The following RALYL variants were observed in gnomAD, a reference collection of about 807,000 sequenced individuals.
RALYL encodes RALY RNA binding protein like.
A neutral mutation model predicts 35.1 loss-of-function variants in RALYL; 29 were observed. The ratio of observed to expected loss-of-function variants is 0.83; its 90% CI spans 0.61 to 1.13. The LOEUF (loss-of-function observed/expected upper bound fraction) is 1.13, where lower values mean the gene tolerates loss of function less well. Ranked by LOEUF, RALYL falls within the 50% of genes most tolerant of loss-of-function variation. RALYL has a pLI of 0.00. For synonymous variants in RALYL, 120 were observed against 127.6 expected (o/e 0.94, Z 0.40); for missense variants, 359 against 360.4 (o/e 1.00, Z 0.03).
Position 84,609,418 on chromosome 8 carries a change from G to C in RALYL, c.256+79841G>C, listed in dbSNP as rs193020822. On this transcript the variant is annotated intron_variant, in intron 2 of 8. Coordinates refer to ENST00000521268, the MANE Select transcript of RALYL (RefSeq NM_173848.7). Reference sequence around the variant, plus strand: ...GTACCATTGGTGCTACCTCATATTAGGAACTCAGTGCATGAGAATTCCTTC... The same window carrying C: ...GTACCATTGGTGCTACCTCATATTACGAACTCAGTGCATGAGAATTCCTTC... Among the ~76,000 whole-genome samples, 267 of 152,130 alleles carry C rather than the reference G, an allele frequency of 1.8e-3. 1 individual carries two copies. Among genetic ancestry groups the C allele is most frequent in the African/African-American group, 6.1e-3 (252 of 41,530 alleles).
intron 7 of RALYL, 72 bp downstream of exon 7, chr8:84,873,469 G>A (rs1840595534): frequency 2.3e-6 from 2 of 867,894 alleles, no homozygotes. Flanking sequence ...AAGCAGTACA[G>A]GGCCAGGAAG....
intron 1 of RALYL, among the ~76,000 whole-genome samples, chr8:84,514,612 T>C (rs2057912448): frequency 6.6e-6 from 1 of 152,202 alleles, no homozygotes; most frequent in Non-Finnish European, 1.5e-5. Context: ...ATTCCATTCA[T>C]GAGAGCTCTG....
chr8:84,525,358 C>T (rs1180434675), intron 1 of RALYL, among the ~76,000 whole-genome samples: 4 of 152,100 alleles, frequency 2.6e-5, no homozygotes, highest in African/African-American at 9.7e-5. Context: ...CTGTTATACA[C>T]CATTTTTGTG....
At chr8:84,714,527 AAAAT>A (rs1314055169) in intron 2 of RALYL, among the ~76,000 whole-genome samples, 1 of 151,680 alleles carries the variant, frequency 6.6e-6, no homozygotes, top group Non-Finnish European at 1.5e-5. Context: ...TCAATAAACT[AAAAT>A]AAAATACTGT....
chr8:84,568,806 G>A (rs1454535733), intron 2 of RALYL, among the ~76,000 whole-genome samples: 12 of 147,744 alleles, frequency 8.1e-5, no homozygotes, highest in Non-Finnish European at 1.5e-4. Context: ...GGCCAGTGAT[G>A]ATGAGCATTT....
intron 1 of RALYL, among the ~76,000 whole-genome samples, chr8:84,435,953 G>A (rs1394003541): frequency 4.6e-5 from 7 of 152,134 alleles, no homozygotes; most frequent in African/African-American, 1.4e-4. Flanking sequence ...GATTAAAAGT[G>A]TCTGGAGGTG....
At chr8:84,724,029 AAATAAATGAATG>A (rs1844488356) in intron 2 of RALYL, among the ~76,000 whole-genome samples, 1 of 151,832 alleles carries the variant, frequency 6.6e-6, no homozygotes, top group African/African-American at 2.4e-5. Context: ...TTTGATGAAC[AAATAAATGAATG>A]AATAAATGAA....
At chr8:84,920,170 GA>G (rs1257202752) in intron 8 of RALYL, among the ~76,000 whole-genome samples, 2 of 151,976 alleles carry the variant, frequency 1.3e-5, no homozygotes, top group East Asian at 3.8e-4. Flanking sequence ...TAACCCCTAA[GA>G]CCTTTGAAGT....
intron 1 of RALYL, among the ~76,000 whole-genome samples, chr8:84,433,736 C>T (rs2047389891): frequency 6.6e-6 from 1 of 151,916 alleles, no homozygotes; most frequent in Non-Finnish European, 1.5e-5. Context: ...CCAATTAAAC[C>T]TCTTTTTCTT....
At chr8:84,513,859 G>A (rs934096802) in intron 1 of RALYL, among the ~76,000 whole-genome samples, 3 of 151,964 alleles carry the variant, frequency 2.0e-5, no homozygotes, top group African/African-American at 7.2e-5. Flanking sequence ...ACTTTGGGAG[G>A]CCGAGGCAGG....
At chr8:84,412,657 A>G (rs114882885) in intron 1 of RALYL, among the ~76,000 whole-genome samples, 45 of 152,150 alleles carry the variant, frequency 3.0e-4, no homozygotes, top group African/African-American at 1.1e-3. Context: ...TATTAATGAT[A>G]AAACTAATCT....
chr8:84,267,932 A>G (rs73688470), intron 1 of RALYL, among the ~76,000 whole-genome samples: 1,835 of 152,348 alleles, frequency 0.012, 39 homozygotes, highest in African/African-American at 0.042. Context: ...AGTATCAGGC[A>G]GTCTAGGCTA....
chr8:84,494,184 T>TA (rs1290528782), intron 1 of RALYL, among the ~76,000 whole-genome samples: 3 of 152,204 alleles, frequency 2.0e-5, no homozygotes, highest in Non-Finnish European at 4.4e-5. Context: ...TGCTTGTTTT[T>TA]ATCAGGTTTG....
intron 3 of RALYL, among the ~76,000 whole-genome samples, chr8:84,803,555 C>T (rs566075805): frequency 6.6e-6 from 1 of 152,298 alleles, no homozygotes; most frequent in Admixed American, 6.5e-5. Context: ...AAATAAACCT[C>T]TCCAAACTCT....
At chr8:84,461,195 T>C (rs2050731527) in intron 1 of RALYL, among the ~76,000 whole-genome samples, 1 of 151,620 alleles carries the variant, frequency 6.6e-6, no homozygotes, top group Non-Finnish European at 1.5e-5. Flanking sequence ...AACCCTGTTT[T>C]TGATAGTTTG....
intron 5 of RALYL, among the ~76,000 whole-genome samples, chr8:84,854,940 A>G (rs1836672025): frequency 6.6e-6 from 1 of 152,178 alleles, no homozygotes; most frequent in Non-Finnish European, 1.5e-5. Context: ...ATATGGGCTG[A>G]CAGGTGCTGG....
chr8:84,355,144 T>C (rs567375064), intron 1 of RALYL, among the ~76,000 whole-genome samples: 1 of 150,568 alleles, frequency 6.6e-6, no homozygotes, highest in East Asian at 1.9e-4. Flanking sequence ...GGAAAGTTAT[T>C]TGATATATCT....
intron 2 of RALYL, chr8:84,679,034 A>G: frequency 2.9e-6 from 1 of 345,318 alleles, no homozygotes. Context: ...GCACTCTGGG[A>G]TTTGGCTGCA....
chr8:84,791,258 G>A (rs1820715808), intron 3 of RALYL, among the ~76,000 whole-genome samples: 1 of 152,090 alleles, frequency 6.6e-6, no homozygotes, highest in South Asian at 2.1e-4. Flanking sequence ...TGATGCCTGG[G>A]GAAAAGCATT....
Sources: allele counts gnomAD v4.1 joint callset (sites outside exome capture counted in the v4.1 genomes callset), GRCh38; gene constraint gnomAD v4.1.1; transcripts MANE v1.5; gene names NCBI Gene and HGNC (gene_info 2026-07-23, HGNC 2026-07-21).